SLC7A13: variants seen among roughly 807,000 people sequenced by gnomAD.
SLC7A13 encodes solute carrier family 7 member 13, also known as X-amino acid transporter 2.
In SLC7A13, 31 loss-of-function variants were observed where a neutral mutation model predicts 32.0. That is an observed-to-expected ratio of 0.97 (90% CI 0.73 to 1.31). SLC7A13 has a LOEUF of 1.31. Ranked by LOEUF, SLC7A13 falls within the 50% of genes most tolerant of loss-of-function variation. SLC7A13 has a pLI of 0.00. For synonymous variants in SLC7A13, 232 were observed against 206.9 expected (o/e 1.12, Z -1.04); for missense variants, 633 against 546.9 (o/e 1.16, Z -1.57).
intron 1 of SLC7A13, among the ~76,000 whole-genome samples, chr8:86,229,138 G>T (rs1820440130): frequency 6.6e-6 from 1 of 150,604 alleles, no homozygotes; most frequent in African/African-American, 2.4e-5. Flanking sequence ...ATCAATGAAA[G>T]GAAAAAATTA....
At chr8:86,222,502 C>A (rs2976191) in intron 2 of SLC7A13, among the ~76,000 whole-genome samples, 13,547 of 151,900 alleles carry the variant, frequency 0.089, 882 homozygotes, top group Non-Finnish European at 0.14. Flanking sequence ...CATGGTAAAC[C>A]GTATTATTTT....
At chr8:86,228,402 TCTCA>T (rs1380754953) in intron 1 of SLC7A13, among the ~76,000 whole-genome samples, 1 of 152,128 alleles carries the variant, frequency 6.6e-6, no homozygotes, top group Non-Finnish European at 1.5e-5. Flanking sequence ...TGAGACAGGG[TCTCA>T]CTCTGTAGCC....
At chr8:86,215,114 T>C (rs1307292609) in intron 3 of SLC7A13, among the ~76,000 whole-genome samples, 1 of 150,078 alleles carries the variant, frequency 6.7e-6, no homozygotes, top group East Asian at 1.9e-4. Flanking sequence ...CTCAGCATAT[T>C]AAAAAAAAAA....
At chr8:86,226,375 A>G (rs1041914653) in intron 1 of SLC7A13, among the ~76,000 whole-genome samples, 12 of 152,292 alleles carry the variant, frequency 7.9e-5, no homozygotes, top group Admixed American at 2.0e-4. Flanking sequence ...TTTTAACTCA[A>G]TGCAAACTGA....
chr8:86,214,569 A>T lies in SLC7A13; in HGVS notation c.1257T>A (p.Asn419Lys). Reference protein sequence around the residue: ...LVVIPLVKSPNVHYVYVLLLV... With the variant: ...LVVIPLVKSPKVHYVYVLLLV... ...ACAGAAGCACGTAGACATAATGCAC[A>T]TTTGGAGACTTTACCAATGGTATCA... is the stretch of plus-strand genomic sequence containing the variant. Residue 419 changes from asparagine to lysine, a missense_variant, in exon 4 of 4, where the codon AAT (asparagine) becomes AAA (lysine). Physicochemically the swap from Asn to Lys is moderately conservative, Grantham distance 94. Transcript: ENST00000297524. 6.2e-7 allele frequency: 1 copy of T among 1,613,792 alleles called. No individual in the cohort carries two copies. Among genetic ancestry groups the T allele is most frequent in the Non-Finnish European group, 8.5e-7 (1 of 1,179,854 alleles).
At chr8:86,215,619 GA>G (rs1370290124) in intron 3 of SLC7A13, 1 of 412,964 alleles carries the variant, frequency 2.4e-6, no homozygotes, top group Admixed American at 2.8e-5. Context: ...CCAGGAAGCA[GA>G]GGTTGCAGCA....
chr8:86,214,364 T>C lies in SLC7A13; in HGVS notation c.*49A>G, dbSNP rs1392820138. ...TGTTTAACCTTGATTTGGAATCTGA[T>C]ATATGTTTTTTAGAAGGCCAATTTT... is the stretch of plus-strand genomic sequence containing the variant. On this transcript the variant is annotated 3_prime_UTR_variant, in exon 4 of 4. Transcript: ENST00000297524. The C allele has an allele frequency of 7.8e-6, 8 of 1,022,722 alleles. No individual in the cohort carries two copies. The highest frequency in any genetic ancestry group is 1.2e-5 in the Non-Finnish European group (8 of 683,294). The allele number at this position is 1,022,722 out of a possible 1,614,324, so 63.4% of individuals were successfully genotyped here. A position where few individuals can be genotyped will look rare whatever the true frequency, so the allele number is the denominator to read the frequency against.
At position 86,220,658 on chromosome 8, in the gene SLC7A13, A is replaced by G. The variant is rs182944138; in HGVS notation, c.817+2314T>C. Among the ~76,000 whole-genome samples, 162 of 152,216 alleles carry G rather than the reference A, an allele frequency of 1.1e-3. 1 individual carries two copies. The highest frequency in any genetic ancestry group is 3.7e-3 in the African/African-American group (153 of 41,526). On this transcript the variant is annotated intron_variant, in intron 2 of 3. Transcript: ENST00000297524. ...TGGAAACTTTTCATATTTTTTACAT[A>G]TACTTGTTTGATTGAAAAAAATGCA...
At chr8:86,224,812 A>T (rs1275265693) in intron 1 of SLC7A13, among the ~76,000 whole-genome samples, 2 of 152,238 alleles carry the variant, frequency 1.3e-5, no homozygotes, top group Non-Finnish European at 2.9e-5. Context: ...AGAGAAAAGC[A>T]ACGTAATGGT....
chr8:86,217,082 A>G (rs1820196391), intron 3 of SLC7A13, among the ~76,000 whole-genome samples: 1 of 152,186 alleles, frequency 6.6e-6, no homozygotes, highest in Non-Finnish European at 1.5e-5. Flanking sequence ...TCAGAACAGT[A>G]GATGTTATCA....
rs6988417 is a variant in SLC7A13 at position 86,215,427 on chromosome 8, C to T, written c.1180-781G>A. 4.4e-3 allele frequency: 812 copies of T among 185,494 alleles called. 9 individuals carry two copies. The highest frequency in any genetic ancestry group is 0.018 in the African/African-American group (766 of 41,796). 11.5% of individuals were successfully genotyped at this position (185,494 alleles called of 1,614,324 possible). A position where few individuals can be genotyped will look rare whatever the true frequency, so the allele number is the denominator to read the frequency against. ...TCTTGGCCGGGCACAGTTGCTTACGCCTATAATCCCAACACTTTGTGAGGT... is the reference window on the plus strand; with the variant it reads ...TCTTGGCCGGGCACAGTTGCTTACGTCTATAATCCCAACACTTTGTGAGGT... On this transcript the variant is annotated intron_variant, in intron 3 of 3. Transcript: ENST00000297524.
At chr8:86,222,210 CA>C (rs1820308771) in intron 2 of SLC7A13, among the ~76,000 whole-genome samples, 1 of 152,084 alleles carries the variant, frequency 6.6e-6, no homozygotes, top group Admixed American at 6.6e-5. Context: ...AATAGCTGCT[CA>C]AAAGACATTA....
chr8:86,229,634 T>C lies in SLC7A13; in HGVS notation c.644A>G (p.Tyr215Cys). The C allele has an allele frequency of 1.2e-6, 2 of 1,614,056 alleles. No homozygotes were observed. The highest frequency in any genetic ancestry group is 1.7e-6 in the Non-Finnish European group (2 of 1,180,020). ...SHLIQAIFQGYFAYSGGACFT... is the reference protein window; with the variant it reads ...SHLIQAIFQGCFAYSGGACFT... ...GCATGCCCCGCCTGAATATGCAAAA[T>C]ATCCTTGGAAGATGGCTTGTATAAG... The change falls in exon 1 of 4, where the codon TAT (tyrosine) becomes TGT (cysteine). Residue 215 changes from tyrosine (Y) to cysteine (C), a missense_variant. Physicochemically the swap from Tyr to Cys is radical, Grantham distance 194. Coordinates refer to ENST00000297524, the MANE Select transcript of SLC7A13 (RefSeq NM_138817.3).
intron 1 of SLC7A13, among the ~76,000 whole-genome samples, chr8:86,227,610 T>C (rs1339699335): frequency 6.6e-6 from 1 of 152,168 alleles, no homozygotes; most frequent in African/African-American, 2.4e-5. Context: ...GGAATAGAAA[T>C]TGTTATATCA....
chr8:86,215,722 T>C (rs1414336697), intron 3 of SLC7A13: 1 of 435,320 alleles, frequency 2.3e-6, no homozygotes, highest in Admixed American at 2.6e-5. Flanking sequence ...AAAGAATCTC[T>C]TCTTAGCTTA....
At position 86,230,360 on chromosome 8, in the gene SLC7A13, A is replaced by G; in HGVS notation, c.-83T>C. 1 of 1,215,916 alleles carries G rather than the reference A, an allele frequency of 8.2e-7. No individual in the cohort carries two copies. The highest frequency in any genetic ancestry group is 2.5e-5 in the East Asian group (1 of 39,698). The allele number at this position is 1,215,916 out of a possible 1,614,324, so 75.3% of individuals were successfully genotyped here. A position where few individuals can be genotyped will look rare whatever the true frequency, so the allele number is the denominator to read the frequency against. On this transcript the variant is annotated 5_prime_UTR_variant, in exon 1 of 4. Transcript: ENST00000297524. ...ATGTAGCTGCAAAGGATGTTGATGG[A>G]TTCCTGAAATAAAATAATTCTGTCC... is the stretch of plus-strand genomic sequence containing the variant.
At chr8:86,214,735 A>G in intron 3 of SLC7A13, 89 bp from the exon 4 acceptor site, 1 of 932,732 alleles carries the variant, frequency 1.1e-6, no homozygotes, top group South Asian at 1.9e-5. Flanking sequence ...GCAAAGATAC[A>G]AGCTAATTAA....
chr8:86,229,208 G>T (rs1820440796), intron 1 of SLC7A13, among the ~76,000 whole-genome samples: 1 of 152,048 alleles, frequency 6.6e-6, no homozygotes, highest in Non-Finnish European at 1.5e-5. Flanking sequence ...GAGCCTCAAT[G>T]CGTCATACCT....
Position 86,230,331 on chromosome 8 carries a change from G to T in SLC7A13, c.-54C>A. On this transcript the variant is annotated 5_prime_UTR_variant, in exon 1 of 4. Transcript: ENST00000297524. The stretch of plus-strand genomic sequence containing the variant: ...TAAATTACAATTTCTAGATTTTCCT[G>T]CCTATGTAGCTGCAAAGGATGTTGA... 1 of 1,420,210 alleles carries T rather than the reference G, an allele frequency of 7.0e-7. No homozygotes were observed. 88.0% of individuals were successfully genotyped at this position (1,420,210 alleles called of 1,614,324 possible). A position where few individuals can be genotyped will look rare whatever the true frequency, so the allele number is the denominator to read the frequency against.
Sources: gnomAD v4.1 joint callset for allele counts (sites outside exome capture counted in the v4.1 genomes callset) on GRCh38, gnomAD v4.1.1 for gene constraint, MANE v1.5 for transcripts, NCBI Gene and HGNC (gene_info 2026-07-23, HGNC 2026-07-21) for gene names.